The following MAP3K14 variants were observed in gnomAD, a reference collection of about 807,000 sequenced individuals.
MAP3K14 encodes the protein mitogen-activated protein kinase kinase kinase 14.
In MAP3K14, 16 loss-of-function variants were observed where a neutral mutation model predicts 99.2. That is an observed-to-expected ratio of 0.16 (90% CI 0.11 to 0.24). The LOEUF is 0.24. Ranked by LOEUF, MAP3K14 falls within the 10% of genes least tolerant of loss-of-function variation. The probability of loss-of-function intolerance (pLI) is 1.00; values close to 1 mark genes in which losing one functional copy is unlikely to be tolerated. For synonymous variants in MAP3K14, 462 were observed against 492.4 expected (o/e 0.94, Z 0.82); for missense variants, 784 against 1,208.7 (o/e 0.65, Z 5.21).
At chr17:45,312,227 T>C (rs1288199525) in intron 1 of MAP3K14, among the ~76,000 whole-genome samples, 15 of 152,196 alleles carry the variant, frequency 9.9e-5, no homozygotes, top group Admixed American at 9.8e-4. Flanking sequence ...ACCTATCAAA[T>C]GCACTCTGTG....
chr17:45,303,454 T>A (rs1028117463), intron 1 of MAP3K14, among the ~76,000 whole-genome samples: 2 of 152,050 alleles, frequency 1.3e-5, no homozygotes, highest in East Asian at 3.9e-4. Flanking sequence ...CCAGCTACTT[T>A]GGAGGCTAAC....
At chr17:45,282,071 T>C (rs2044227688) in intron 6 of MAP3K14, 1 of 152,166 alleles carries the variant, frequency 6.6e-6, no homozygotes, top group African/African-American at 2.4e-5. Flanking sequence ...ACAGATATCT[T>C]TTTAGACTTT....
At chr17:45,293,844 C>T (rs976923210) in intron 1 of MAP3K14, among the ~76,000 whole-genome samples, 2 of 152,216 alleles carry the variant, frequency 1.3e-5, no homozygotes, top group Admixed American at 6.5e-5. Flanking sequence ...CATGCACACA[C>T]AGACACACAC....
rs1371575182 is a variant in MAP3K14 at position 45,267,366 on chromosome 17, C to T, written c.2326+40G>A. ...ACCGGCCTCCGCGGGTGGCCCAGGG[C>T]CAGTGCTCAGGGCCCCACTGCAGCC... On this transcript the variant is annotated intron_variant, in intron 12 of 15. Transcript: ENST00000344686. The surrounding 1 kb of genome is among the most constrained non-coding windows in gnomAD (Gnocchi z 5.1). 2 of 1,542,638 alleles carry T rather than the reference C, an allele frequency of 1.3e-6. No individual in the cohort carries two copies. The highest frequency in any genetic ancestry group is 1.2e-5 in the South Asian group (1 of 84,090).
At chr17:45,307,523 A>G (rs889008097) in intron 1 of MAP3K14, among the ~76,000 whole-genome samples, 31 of 152,266 alleles carry the variant, frequency 2.0e-4, no homozygotes, top group African/African-American at 6.7e-4. Context: ...CGTTACAAGC[A>G]GCATTTTGGT....
At chr17:45,281,354 T>C (rs2044221800) in intron 6 of MAP3K14, among the ~76,000 whole-genome samples, 1 of 150,760 alleles carries the variant, frequency 6.6e-6, no homozygotes, top group Non-Finnish European at 1.5e-5. Flanking sequence ...TTTTTTTTTT[T>C]TTTTTTGAGG....
At position 45,263,167 on chromosome 17, in the gene MAP3K14, G is replaced by C. The variant is rs1262487344; in HGVS notation, c.*1469C>G. 4 of 152,286 alleles carry C rather than the reference G, an allele frequency of 2.6e-5. No individual in the cohort carries two copies. The highest frequency in any genetic ancestry group is 5.9e-5 in the Non-Finnish European group (4 of 68,064). The allele number at this position is 152,286 out of a possible 1,614,324, so 9.4% of individuals were successfully genotyped here. A position where few individuals can be genotyped will look rare whatever the true frequency, so the allele number is the denominator to read the frequency against. On this transcript the variant is annotated 3_prime_UTR_variant, in exon 16 of 16. Transcript: ENST00000344686. Reference sequence around the variant, plus strand: ...CCCCAAACTTTATTGCTTACAAAGAGTTCTCTACAACCCAGACTCTGCAGT... The same window carrying C: ...CCCCAAACTTTATTGCTTACAAAGACTTCTCTACAACCCAGACTCTGCAGT...
rs2044106803 is a variant in MAP3K14 at position 45,267,777 on chromosome 17, C to T, written c.1973-18G>A. 1.3e-6 allele frequency: 2 copies of T among 1,594,076 alleles called. No homozygotes were observed. The highest frequency in any genetic ancestry group is 2.7e-5 in the African/African-American group (2 of 74,258). ...ACCTCCCACTAGAAAACAGAGAGTA[C>T]AATGGTGAGGGGAAGCGTGCTGTGC... is the stretch of plus-strand genomic sequence containing the variant. On this transcript the variant is annotated intron_variant, in intron 11 of 15. Transcript: ENST00000344686. This position sits in a 1 kb window ranked among gnomAD's most constrained non-coding sequence, Gnocchi z 5.1.
rs1351876879 is a variant in MAP3K14, at chr17:45,267,582, AGAG to A, written c.2147_2149del (p.Pro716del). ...GTTTGGCTCTGGGGGCTCTGGTGGGAGAGGAGGCTGGAGCTTAGGGGCTCTGCC... is the reference window on the plus strand; with the variant it reads ...GTTTGGCTCTGGGGGCTCTGGTGGGAGAGGCTGGAGCTTAGGGGCTCTGCC... On this transcript the variant is annotated inframe_deletion, in exon 12 of 16. Coordinates refer to ENST00000344686, the MANE Select transcript of MAP3K14 (RefSeq NM_003954.5). This position sits in a 1 kb window ranked among gnomAD's most constrained non-coding sequence, Gnocchi z 5.1. 1.9e-6 allele frequency: 3 copies of A among 1,612,834 alleles called. No homozygotes were observed. In the Admixed American group the frequency reaches 5.0e-5, roughly 27 times the overall value.
chr17:45,271,880 A>T (rs978157117), intron 9 of MAP3K14, among the ~76,000 whole-genome samples: 1 of 152,226 alleles, frequency 6.6e-6, no homozygotes, highest in African/African-American at 2.4e-5. Context: ...TCTTACTAGT[A>T]AGAAATACTA....
rs2044135659 is a variant in MAP3K14 at position 45,270,637 on chromosome 17, G to A, written c.1822-74C>T. ...ATACCCGGCTGTTATTGCTCTTTGC[G>A]CAACTCCCGCCGGCCCCTGTTCCCG... On this transcript the variant is annotated intron_variant, in intron 10 of 15. Coordinates refer to ENST00000344686, the MANE Select transcript of MAP3K14 (RefSeq NM_003954.5). 6.2e-6 allele frequency: 9 copies of A among 1,453,862 alleles called. No homozygotes were observed. The East Asian group carries it at 1.2e-4, about 20-fold the overall frequency. 90.1% of individuals were successfully genotyped at this position (1,453,862 alleles called of 1,614,324 possible).
intron 1 of MAP3K14, among the ~76,000 whole-genome samples, chr17:45,301,072 G>T (rs535686107): frequency 1.4e-4 from 22 of 152,070 alleles, no homozygotes; most frequent in African/African-American, 5.3e-4. Context: ...GGAGGCTGAG[G>T]TGGAAGGATT....
At chr17:45,281,253 T>C (rs886513939) in intron 6 of MAP3K14, among the ~76,000 whole-genome samples, 1 of 151,636 alleles carries the variant, frequency 6.6e-6, no homozygotes, top group African/African-American at 2.4e-5. Flanking sequence ...TATGCCACCA[T>C]GCCTGGCTAA....
At chr17:45,304,712 C>A (rs9899705) in intron 1 of MAP3K14, among the ~76,000 whole-genome samples, 3 of 152,032 alleles carry the variant, frequency 2.0e-5, no homozygotes, top group Admixed American at 1.3e-4. Context: ...TCAGAAAGAC[C>A]CTCAGAGGTA....
chr17:45,301,202 G>A (rs1357558799), intron 1 of MAP3K14, among the ~76,000 whole-genome samples: 2 of 150,558 alleles, frequency 1.3e-5, no homozygotes, highest in African/African-American at 2.4e-5. Flanking sequence ...CATGGCTCAC[G>A]CCTGTAATCC....
chr17:45,306,535 A>C (rs2044431112), intron 1 of MAP3K14, among the ~76,000 whole-genome samples: 1 of 152,226 alleles, frequency 6.6e-6, no homozygotes, highest in Non-Finnish European at 1.5e-5. Flanking sequence ...CAGCCCACCC[A>C]GGCCTGACAT....
chr17:45,266,739 G>A (rs1320398251), intron 13 of MAP3K14, 58 bp from the exon 14 acceptor site: 4 of 1,550,266 alleles, frequency 2.6e-6, no homozygotes, highest in Non-Finnish European at 2.6e-6. Context: ...TCCATCTCCG[G>A]CTTGGGTCTC....
chr17:45,287,257 T>A lies in MAP3K14; in HGVS notation c.434A>T (p.Lys145Ile), dbSNP rs2044274764. The A allele has an allele frequency of 6.2e-7, 1 of 1,614,040 alleles. No individual in the cohort carries two copies. The highest frequency in any genetic ancestry group is 2.2e-5 in the East Asian group (1 of 44,882). The change falls in exon 4 of 16, where the codon AAA (lysine) becomes ATA (isoleucine). Residue 145 changes from lysine (K) to isoleucine (I), a missense_variant. Around this residue, in one of 5 missense-constraint regions of MAP3K14, gnomAD observed 188 missense variants for 313.0 expected, o/e 0.60. Coordinates refer to ENST00000344686, the MANE Select transcript of MAP3K14 (RefSeq NM_003954.5). Reference protein sequence around the residue: ...KGKRRSKARKKRKKKSSKSLA... With the variant: ...KGKRRSKARKIRKKKSSKSLA... ...GGACTTTGAGCTCTTCTTCTTCCGT[T>A]TCTTCCGGGCTTTGCTGCGACGCTT...
At chr17:45,295,505 T>C (rs2044340321) in intron 1 of MAP3K14, among the ~76,000 whole-genome samples, 1 of 152,208 alleles carries the variant, frequency 6.6e-6, no homozygotes. Flanking sequence ...GTCAGGATTC[T>C]TTGAGGGCTG....
Sources: gnomAD v4.1 joint callset for allele counts (sites outside exome capture counted in the v4.1 genomes callset) on GRCh38, gnomAD v4.1.1 for gene constraint, gnomAD v4.1.1 regional missense constraint, Gnocchi (gnomAD v3.1) non-coding constraint, MANE v1.5 for transcripts, NCBI Gene and HGNC (gene_info 2026-07-23, HGNC 2026-07-21) for gene names.